Variants in KCNJ15 observed in about 807,000 individuals in gnomAD.
KCNJ15 encodes the protein potassium inwardly rectifying channel subfamily J member 15, also known as ATP-sensitive inward rectifier potassium channel 15.
KCNJ15 carries 14 observed loss-of-function variants against 23.0 expected under a neutral mutation model. The observed-to-expected ratio is 0.61, with a 90% CI of 0.40 to 0.95. The LOEUF (loss-of-function observed/expected upper bound fraction) is 0.95, where lower values mean the gene tolerates loss of function less well. KCNJ15 is among the 40% of genes least tolerant of loss of function. KCNJ15 has a pLI of 0.00. For synonymous variants in KCNJ15, 185 were observed against 183.2 expected (o/e 1.01, Z -0.08); for missense variants, 388 against 461.8 (o/e 0.84, Z 1.46).
intron 1 of KCNJ15, among the ~76,000 whole-genome samples, chr21:38,282,049 CTGTT>C (rs1265173410): frequency 3.9e-5 from 6 of 152,218 alleles, no homozygotes; most frequent in East Asian, 1.9e-4. Flanking sequence ...AGTTTGTTGA[CTGTT>C]TGTATATCTT....
At chr21:38,248,627 A>G (rs1387190501) in intron 1 of KCNJ15, among the ~76,000 whole-genome samples, 1 of 152,206 alleles carries the variant, frequency 6.6e-6, no homozygotes, top group Non-Finnish European at 1.5e-5. Context: ...TTCTAGTGAA[A>G]ACAGCAGATC....
At chr21:38,231,561 A>G (rs965179131) in intron 1 of KCNJ15, among the ~76,000 whole-genome samples, 2 of 151,888 alleles carry the variant, frequency 1.3e-5, no homozygotes, top group Non-Finnish European at 1.5e-5. Context: ...ATTAAGTATG[A>G]TATGAGCTGA....
chr21:38,273,589 A>G (rs1292665772), intron 1 of KCNJ15, among the ~76,000 whole-genome samples: 1 of 152,178 alleles, frequency 6.6e-6, no homozygotes, highest in Non-Finnish European at 1.5e-5. Flanking sequence ...GTCACTTGAG[A>G]TTTCTCCCAC....
upstream of KCNJ15, among the ~76,000 whole-genome samples, chr21:38,253,388 C>G (rs967244945): frequency 6.6e-6 from 1 of 152,160 alleles, no homozygotes; most frequent in Non-Finnish European, 1.5e-5. Flanking sequence ...ACACATTATG[C>G]TCCAAGACTC....
chr21:38,268,282 T>C (rs1181015038), intron 1 of KCNJ15, among the ~76,000 whole-genome samples: 1 of 151,990 alleles, frequency 6.6e-6, no homozygotes, highest in East Asian at 1.9e-4. Context: ...GAACAATCGG[T>C]TGCCACTGAC....
At chr21:38,273,456 A>G (rs114410639) in intron 1 of KCNJ15, among the ~76,000 whole-genome samples, 1,969 of 152,318 alleles carry the variant, frequency 0.013, 31 homozygotes, top group East Asian at 0.036. Context: ...TTTTCTCCCA[A>G]TGTTCAGAAA....
At chr21:38,247,172 GGATGGATGGACA>G (rs1568984923) in intron 1 of KCNJ15, among the ~76,000 whole-genome samples, 2 of 150,622 alleles carry the variant, frequency 1.3e-5, no homozygotes. Context: ...ATAGGTATAT[GGATGGATGGACA>G]GATGGATGGA....
chr21:38,245,737 G>A (rs1399591287), intron 1 of KCNJ15, among the ~76,000 whole-genome samples: 2 of 151,868 alleles, frequency 1.3e-5, no homozygotes. Context: ...GAGAAAGGAA[G>A]GAAGGAGAAA....
chr21:38,245,704 GGAA>G (rs1303312432), intron 1 of KCNJ15, among the ~76,000 whole-genome samples: 1 of 149,568 alleles, frequency 6.7e-6, no homozygotes, highest in East Asian at 2.0e-4. Flanking sequence ...AAGAAGGAAA[GGAA>G]AGAAAGAAAG....
intron 1 of KCNJ15, among the ~76,000 whole-genome samples, chr21:38,280,753 C>A (rs1983240420): frequency 6.6e-6 from 1 of 152,156 alleles, no homozygotes; most frequent in Non-Finnish European, 1.5e-5. Context: ...TTTGAACTTT[C>A]TCCCCATAGG....
intron 1 of KCNJ15, among the ~76,000 whole-genome samples, chr21:38,273,409 T>C (rs994926269): frequency 6.6e-6 from 1 of 152,240 alleles, no homozygotes; most frequent in Non-Finnish European, 1.5e-5. Flanking sequence ...TTATTTTGTA[T>C]CCCTAGCTAC....
intron 1 of KCNJ15, among the ~76,000 whole-genome samples, chr21:38,249,818 C>T (rs189793858): frequency 1.7e-4 from 26 of 152,318 alleles, no homozygotes; most frequent in Admixed American, 1.3e-3. Flanking sequence ...ATCATCTCTA[C>T]GTGCACATTT....
chr21:38,233,632 A>G (rs1978415113), intron 1 of KCNJ15, among the ~76,000 whole-genome samples: 1 of 152,092 alleles, frequency 6.6e-6, no homozygotes, highest in African/African-American at 2.4e-5. Context: ...TAGACTGACT[A>G]AGAAAAAAGA....
At chr21:38,258,051 T>A (rs1370799605) in intron 1 of KCNJ15, among the ~76,000 whole-genome samples, 3 of 152,130 alleles carry the variant, frequency 2.0e-5, no homozygotes, top group African/African-American at 4.8e-5. Context: ...TTTATCTTTT[T>A]CCCCTTTACC....
intron 1 of KCNJ15, among the ~76,000 whole-genome samples, chr21:38,234,450 G>C (rs2836226): frequency 0.12 from 18,049 of 152,240 alleles, 2,837 homozygotes; most frequent in African/African-American, 0.36. Context: ...CGACTAAAGA[G>C]AAACACCCAA....
Position 38,299,495 on chromosome 21 carries a change from G to T in KCNJ15, c.234G>T (p.Trp78Cys). 5.0e-6 allele frequency: 8 copies of T among 1,614,164 alleles called. No homozygotes were observed. Among genetic ancestry groups the T allele is most frequent in the Non-Finnish European group, 6.8e-6 (8 of 1,180,028 alleles). The change falls in exon 3 of 3, where the codon TGG becomes TGT. Residue 78 changes from tryptophan to cysteine, a missense_variant. Transcript: ENST00000398938. The surrounding 1 kb of genome is among the most constrained non-coding windows in gnomAD (Gnocchi z 4.5). ...TLFAATFVMT[W>C]FLFGVIYYAI... ...TCGCTGCCACTTTTGTGATGACCTGGTTCCTTTTTGGAGTCATCTACTATG... is the reference window on the plus strand; with the variant it reads ...TCGCTGCCACTTTTGTGATGACCTGTTTCCTTTTTGGAGTCATCTACTATG...
At chr21:38,273,236 C>T (rs909339455) in intron 1 of KCNJ15, among the ~76,000 whole-genome samples, 1 of 152,158 alleles carries the variant, frequency 6.6e-6, no homozygotes, top group Non-Finnish European at 1.5e-5. Flanking sequence ...CTCTAGTTAC[C>T]TTTACAGATT....
At position 38,300,308 on chromosome 21, in the gene KCNJ15, G is replaced by A. The variant is rs1985660886; in HGVS notation, c.1047G>A (p.Gln349=). ...CTFYCADSEK[Q]QLEEKYRQED... ...TTTACTGTGCAGATTCTGAGAAACA[G>A]CAACTCGAGGAGAAGTACAGGCAGG... The change falls in exon 3 of 3, where the codon CAG becomes CAA. Residue 349 remains glutamine (Q), a synonymous_variant. Coordinates refer to ENST00000398938, the MANE Select transcript of KCNJ15 (RefSeq NM_170736.3). 6.2e-7 allele frequency: 1 copy of A among 1,613,958 alleles called. No homozygotes were observed. Among genetic ancestry groups the A allele is most frequent in the Non-Finnish European group, 8.5e-7 (1 of 1,179,946 alleles).
chr21:38,292,477 A>G (rs1984702672), intron 1 of KCNJ15, among the ~76,000 whole-genome samples: 1 of 152,146 alleles, frequency 6.6e-6, no homozygotes, highest in East Asian at 1.9e-4. Context: ...TACCCTTACA[A>G]CTTTCCCTAA....
Sources: gnomAD v4.1 joint callset for allele counts (sites outside exome capture counted in the v4.1 genomes callset) on GRCh38, gnomAD v4.1.1 for gene constraint, Gnocchi (gnomAD v3.1) non-coding constraint, MANE v1.5 for transcripts, NCBI Gene and HGNC (gene_info 2026-07-23, HGNC 2026-07-21) for gene names.